Variants in FBLN7 observed in about 807,000 individuals in gnomAD.
FBLN7 encodes the protein fibulin 7.
A neutral mutation model predicts 44.0 loss-of-function variants in FBLN7; 31 were observed. The observed-to-expected ratio is 0.70, with a 90% CI of 0.53 to 0.95. The LOEUF (loss-of-function observed/expected upper bound fraction) is 0.95, where lower values mean the gene tolerates loss of function less well. FBLN7 is among the 40% of genes least tolerant of loss of function. The pLI is 0.00. For synonymous variants in FBLN7, 262 were observed against 253.4 expected (o/e 1.03, Z -0.32); for missense variants, 573 against 618.5 (o/e 0.93, Z 0.78).
chr2:112,157,529 A>G (rs1681492315), intron 1 of FBLN7, among the ~76,000 whole-genome samples: 1 of 152,190 alleles, frequency 6.6e-6, no homozygotes, highest in South Asian at 2.1e-4. Context: ...TGGCCTTAGT[A>G]GAGACCTGCT....
At position 112,160,048 on chromosome 2, in the gene FBLN7, T is replaced by G. The variant is rs529581326; in HGVS notation, c.235+213T>G. On this transcript the variant is annotated intron_variant, in intron 2 of 7. Transcript: ENST00000331203. ...CTCTGTCGCCCAGGCTGGAGTGCAG[T>G]GGCGCGATCTCGGCTCACTGCAAGC... is the stretch of plus-strand genomic sequence containing the variant. Among the ~76,000 whole-genome samples, 258 of 152,270 alleles carry G rather than the reference T, an allele frequency of 1.7e-3. 1 individual carries two copies. The highest frequency in any genetic ancestry group is 5.0e-3 in the South Asian group (24 of 4,830).
the FBLN7 span, among the ~76,000 whole-genome samples, chr2:112,241,779 T>A: frequency 6.6e-6 from 1 of 152,172 alleles, no homozygotes; most frequent in Non-Finnish European, 1.5e-5. Context: ...TAGGTCTTAA[T>A]ATTCAGTGTA....
At chr2:112,222,372 T>C in the FBLN7 span, among the ~76,000 whole-genome samples, 29 of 152,136 alleles carry the variant, frequency 1.9e-4, no homozygotes, top group South Asian at 6.2e-4. Flanking sequence ...GCCTGGCCTG[T>C]CTGGCTACAA....
At chr2:112,182,726 T>G in intron 5 of FBLN7, 65 bp from the exon 6 acceptor site, 1 of 1,518,964 alleles carries the variant, frequency 6.6e-7, no homozygotes, top group Non-Finnish European at 8.8e-7. Flanking sequence ...ATGATTGTTC[T>G]GGGTCACAGC....
rs1044534985 is a variant in FBLN7 at position 112,187,616 on chromosome 2, C to T, written c.*110C>T. The T allele has an allele frequency of 9.1e-6, 13 of 1,432,104 alleles. No individual in the cohort carries two copies. The highest frequency in any genetic ancestry group is 1.9e-4 in the Middle Eastern group (1 of 5,316). The allele number at this position is 1,432,104 out of a possible 1,614,324, so 88.7% of individuals were successfully genotyped here. On this transcript the variant is annotated 3_prime_UTR_variant, in exon 8 of 8. Transcript: ENST00000331203. This position sits in a 1 kb window ranked among gnomAD's most constrained non-coding sequence, Gnocchi z 5.1. ...CCTCCCGCCTGTTCCCGCCCTCTCACCAGTGCACCCAGGCTTCTAGGGCAG... is the reference window on the plus strand; with the variant it reads ...CCTCCCGCCTGTTCCCGCCCTCTCATCAGTGCACCCAGGCTTCTAGGGCAG...
At chr2:112,180,212 C>G (rs1240165253) in intron 4 of FBLN7, among the ~76,000 whole-genome samples, 1 of 152,094 alleles carries the variant, frequency 6.6e-6, no homozygotes. Context: ...AAACCTACAA[C>G]AGGCCAACAA....
At chr2:112,192,329 C>T (rs1262955274), downstream of FBLN7, among the ~76,000 whole-genome samples, 2 of 152,084 alleles carry the variant, frequency 1.3e-5, no homozygotes, top group Non-Finnish European at 1.5e-5. Context: ...CAAAGAAGGC[C>T]CCAGTGACGC....
chr2:112,169,763 G>A (rs1271051462), intron 3 of FBLN7, among the ~76,000 whole-genome samples: 1 of 152,146 alleles, frequency 6.6e-6, no homozygotes, highest in Non-Finnish European at 1.5e-5. Flanking sequence ...ACCAAGGGAA[G>A]CGAGCTGACG....
rs1683078543 is a variant in FBLN7, at chr2:112,182,941, A to G, written c.808+13A>G. 1 of 1,611,016 alleles carries G rather than the reference A, an allele frequency of 6.2e-7. No homozygotes were observed. Among genetic ancestry groups the G allele is most frequent in the South Asian group, 1.1e-5 (1 of 90,600 alleles). ...AAGAGCTGTGAGGGTGAGTGAGGCT[A>G]CAGAGTGTCGTCTGCACCCAGCCAC... On this transcript the variant is annotated intron_variant, in intron 6 of 7. Coordinates refer to ENST00000331203, the MANE Select transcript of FBLN7 (RefSeq NM_153214.3).
intron 1 of FBLN7, among the ~76,000 whole-genome samples, chr2:112,138,991 C>A (rs1223904709): frequency 1.3e-5 from 1 of 77,524 alleles, no homozygotes; most frequent in Non-Finnish European, 2.6e-5. Flanking sequence ...TCCAGGCCAG[C>A]GTCCCTCCCG....
chr2:112,174,760 A>C (rs1388626744), intron 3 of FBLN7, among the ~76,000 whole-genome samples: 1 of 152,060 alleles, frequency 6.6e-6, no homozygotes, highest in Non-Finnish European at 1.5e-5. Flanking sequence ...CCCAGGCTGG[A>C]GTGCAGTGGT....
At position 112,182,863 on chromosome 2, in the gene FBLN7, C is replaced by G. The variant is rs373897520; in HGVS notation, c.743C>G (p.Pro248Arg). The G allele has an allele frequency of 6.2e-7, 1 of 1,612,952 alleles. No individual in the cohort carries two copies. The highest frequency in any genetic ancestry group is 8.5e-7 in the Non-Finnish European group (1 of 1,179,862). Residue 248 changes from proline to arginine, a missense_variant, in exon 6 of 8, where the codon CCG (proline) becomes CGG (arginine). Physicochemically the swap from Pro to Arg is moderately radical, Grantham distance 103. Coordinates refer to ENST00000331203, the MANE Select transcript of FBLN7 (RefSeq NM_153214.3). ...TGCATGCACGCCTGCGTGAACACCCCGGGCTCTTACCGTTGCACCTGCCCC... is the reference window on the plus strand; with the variant it reads ...TGCATGCACGCCTGCGTGAACACCCGGGGCTCTTACCGTTGCACCTGCCCC... ...RLCMHACVNT[P>R]GSYRCTCPGG...
chr2:112,238,321 G>A, the FBLN7 span: 2 of 1,613,070 alleles, frequency 1.2e-6, no homozygotes, highest in Admixed American at 1.7e-5. Flanking sequence ...TTACCCTGTG[G>A]GGTATCTTTT....
the FBLN7 span, among the ~76,000 whole-genome samples, chr2:112,195,977 G>C: frequency 5.9e-5 from 9 of 152,166 alleles, no homozygotes; most frequent in African/African-American, 2.2e-4. Flanking sequence ...ACCAGTGGTG[G>C]CTCAGAAATG....
intron 1 of FBLN7, chr2:112,151,641 TTCTA>T (rs1471702320): frequency 6.6e-6 from 1 of 152,240 alleles, no homozygotes; most frequent in Non-Finnish European, 1.5e-5. Context: ...TTTCTCTCCC[TTCTA>T]TATTCATATT....
chr2:112,175,875 T>TAGG, intron 4 of FBLN7, 36 bp downstream of exon 4: 1 of 1,605,128 alleles, frequency 6.2e-7, no homozygotes, highest in Non-Finnish European at 8.5e-7. Context: ...GAGGACATCC[T>TAGG]GCTGTGGGGA....
At chr2:112,159,627 G>C in intron 1 of FBLN7, 49 bp from the exon 2 acceptor site, 1 of 1,450,968 alleles carries the variant, frequency 6.9e-7, no homozygotes, top group Non-Finnish European at 9.2e-7. Context: ...AAGCATGTGG[G>C]ACTGAGTCAG....
the FBLN7 span, among the ~76,000 whole-genome samples, chr2:112,238,832 C>A: frequency 6.6e-6 from 1 of 152,188 alleles, no homozygotes; most frequent in Non-Finnish European, 1.5e-5. Context: ...AAAGTCTAAA[C>A]CCCTAAATCT....
At chr2:112,160,233 G>A (rs543590826) in intron 2 of FBLN7, among the ~76,000 whole-genome samples, 31 of 151,952 alleles carry the variant, frequency 2.0e-4, no homozygotes, top group Non-Finnish European at 2.4e-4. Context: ...CTCGTGATCC[G>A]CCCGCCTCGG....
Sources: gnomAD v4.1 joint callset for allele counts (sites outside exome capture counted in the v4.1 genomes callset) on GRCh38, gnomAD v4.1.1 for gene constraint, Gnocchi (gnomAD v3.1) non-coding constraint, MANE v1.5 for transcripts, NCBI Gene and HGNC (gene_info 2026-07-23, HGNC 2026-07-21) for gene names.